The following ARSG variants were observed in gnomAD, a reference collection of about 807,000 sequenced individuals.
ARSG encodes ASG.
ARSG carries 37 observed loss-of-function variants against 50.5 expected under a neutral mutation model. The observed-to-expected ratio is 0.73, with a 90% CI of 0.56 to 0.96. ARSG has a LOEUF of 0.96. Ranked by LOEUF, ARSG falls within the 50% of genes least tolerant of loss-of-function variation. ARSG has a pLI of 0.00. For missense variants in ARSG, 629 were observed against 675.3 expected (o/e 0.93, Z 0.76); for synonymous variants, 225 against 254.6 (o/e 0.88, Z 1.11).
chr17:68,415,743 G>A (rs2082324169), intron 11 of ARSG, among the ~76,000 whole-genome samples: 1 of 152,168 alleles, frequency 6.6e-6, no homozygotes. Flanking sequence ...ATGTTTTCCT[G>A]TTGGACACGG....
At chr17:68,356,639 TAC>T (rs994761764) in intron 5 of ARSG, 26 bp from the exon 6 acceptor site, 1 of 1,613,276 alleles carries the variant, frequency 6.2e-7, no homozygotes, top group Non-Finnish European at 8.5e-7. Flanking sequence ...AGGAAATGAA[TAC>T]TCTATGGTCT....
At position 68,420,375 on chromosome 17, in the gene ARSG, A is replaced by G; in HGVS notation, c.1490A>G (p.Asn497Ser). ...GTCCTCCAAGACATTGCCAACGACAACATCTCCAGCGCAGATTACACTCAG... is the reference window on the plus strand; with the variant it reads ...GTCCTCCAAGACATTGCCAACGACAGCATCTCCAGCGCAGATTACACTCAG... The part of the protein sequence containing the change: ...ADVLQDIAND[N>S]ISSADYTQDP... The change falls in exon 12 of 12, where the codon AAC becomes AGC. Residue 497 changes from asparagine (N) to serine (S), a missense_variant. Asn to Ser is a conservative substitution (Grantham distance 46, BLOSUM62 1). Transcript: ENST00000621439. 2.5e-6 allele frequency: 4 copies of G among 1,614,200 alleles called. No homozygotes were observed. Among genetic ancestry groups the G allele is most frequent in the Non-Finnish European group, 3.4e-6 (4 of 1,180,034 alleles).
chr17:68,382,733 G>A (rs1033847490), intron 8 of ARSG, among the ~76,000 whole-genome samples: 5 of 152,200 alleles, frequency 3.3e-5, no homozygotes, highest in Non-Finnish European at 5.9e-5. Context: ...CAGTATCTGC[G>A]CTGTTGGTGA....
Position 68,343,717 on chromosome 17 carries a change from T to C in ARSG, c.332T>C (p.Val111Ala). Residue 111 changes from valine (V) to alanine (A), a missense_variant, in exon 3 of 12, where the codon GTG becomes GCG. Coordinates refer to ENST00000621439, the MANE Select transcript of ARSG (RefSeq NM_001267727.2). ...GVTRNFAVTS[V>A]GGLPLNETTL... ...ACACGCAACTTTGCAGTCACTTCTG[T>C]GGGAGGCCTTCCGCTCAACGAGACC... 2 of 1,614,162 alleles carry C rather than the reference T, an allele frequency of 1.2e-6. No homozygotes were observed. Among genetic ancestry groups the C allele is most frequent in the Non-Finnish European group, 8.5e-7 (1 of 1,180,014 alleles).
chr17:68,447,063 C>T, the ARSG span, among the ~76,000 whole-genome samples: 1 of 152,210 alleles, frequency 6.6e-6, no homozygotes, highest in African/African-American at 2.4e-5. Flanking sequence ...AGCTCCTTGT[C>T]TGTTGCTTTG....
At chr17:68,284,040 G>A (rs1247932981) in intron 1 of ARSG, among the ~76,000 whole-genome samples, 12 of 147,574 alleles carry the variant, frequency 8.1e-5, no homozygotes, top group African/African-American at 2.8e-4. Flanking sequence ...GCAGTGAGCC[G>A]AGGTCACACC....
intron 8 of ARSG, 46 bp from the exon 9 acceptor site, chr17:68,385,018 C>T (rs769160899): frequency 1.6e-5 from 24 of 1,515,476 alleles, no homozygotes; most frequent in East Asian, 2.3e-5. Flanking sequence ...AAAGAAGTCT[C>T]GAGTTATCAC....
intron 1 of ARSG, among the ~76,000 whole-genome samples, chr17:68,304,370 T>C (rs1203970409): frequency 2.0e-5 from 3 of 152,248 alleles, no homozygotes; most frequent in African/African-American, 7.2e-5. Flanking sequence ...ATAATACATC[T>C]CCTTTTGGGA....
intron 8 of ARSG, among the ~76,000 whole-genome samples, chr17:68,376,772 C>T (rs1246084492): frequency 2.6e-5 from 4 of 151,966 alleles, no homozygotes; most frequent in African/African-American, 9.7e-5. Flanking sequence ...TCCACTGATC[C>T]AAAATGACCA....
Position 68,271,671 on chromosome 17 carries a change from T to G in ARSG, c.-552+12245T>G. On this transcript the variant is annotated intron_variant, in intron 1 of 11. Transcript: ENST00000448504. This position sits in a 1 kb window ranked among gnomAD's most constrained non-coding sequence, Gnocchi z 5.3. ...CCATGATTGCTTGAATAGGCAGGAG[T>G]GAAGAAGAAATAATATAAGGTCAAT... 1.3e-6 allele frequency: 2 copies of G among 1,599,430 alleles called. No individual in the cohort carries two copies. Among genetic ancestry groups the G allele is most frequent in the Non-Finnish European group, 1.7e-6 (2 of 1,169,732 alleles).
chr17:68,403,858 C>A (rs992074420), intron 11 of ARSG, among the ~76,000 whole-genome samples: 1 of 152,126 alleles, frequency 6.6e-6, no homozygotes, highest in Non-Finnish European at 1.5e-5. Context: ...TCCCTCCCCC[C>A]TCACCCCACC....
chr17:68,288,005 T>C (rs1331204093), upstream of ARSG, among the ~76,000 whole-genome samples: 3 of 149,970 alleles, frequency 2.0e-5, no homozygotes, highest in Non-Finnish European at 4.5e-5. Context: ...TTTTTTTTTT[T>C]TGGGGGTTGG....
At chr17:68,283,242 C>T (rs139042407) in intron 1 of ARSG, 2,070 of 152,296 alleles carry the variant, frequency 0.014, 24 homozygotes, top group Non-Finnish European at 0.022. Context: ...CAGACTGGGC[C>T]GGGCGCAGTG....
downstream of ARSG, among the ~76,000 whole-genome samples, chr17:68,425,273 A>C (rs2147729611): frequency 6.6e-6 from 1 of 152,136 alleles, no homozygotes; most frequent in East Asian, 1.9e-4. Flanking sequence ...GCACAATCAG[A>C]GCTCACTGCA....
intron 2 of ARSG, among the ~76,000 whole-genome samples, chr17:68,324,070 C>CAAAAAA (rs57040262): frequency 7.1e-4 from 64 of 89,664 alleles, no homozygotes; most frequent in Non-Finnish European, 8.9e-4. Context: ...AAAACTCCAT[C>CAAAAAA]AAAAAAAAAA....
At chr17:68,290,975 T>C (rs1363976498), upstream of ARSG, 2 of 152,168 alleles carry the variant, frequency 1.3e-5, no homozygotes, top group African/African-American at 4.8e-5. Context: ...AGATGTTCAG[T>C]GGTCTCCTCC....
chr17:68,334,791 A>G (rs1344504115), intron 2 of ARSG, among the ~76,000 whole-genome samples: 1 of 152,046 alleles, frequency 6.6e-6, no homozygotes, highest in Non-Finnish European at 1.5e-5. Context: ...AGCTTCTTAT[A>G]TGGCGGCTCA....
At chr17:68,396,344 T>C (rs991733837) in intron 10 of ARSG, among the ~76,000 whole-genome samples, 1 of 152,170 alleles carries the variant, frequency 6.6e-6, no homozygotes, top group African/African-American at 2.4e-5. Context: ...CAAGCAGACC[T>C]TGGCAATGGC....
At chr17:68,272,889 A>T (rs1555749521) in intron 1 of ARSG, 9 of 1,192,400 alleles carry the variant, frequency 7.5e-6, no homozygotes, top group Non-Finnish European at 1.1e-5. Flanking sequence ...GGAGCCAAGT[A>T]ATTCATTCTG....
Sources: allele counts gnomAD v4.1 joint callset (sites outside exome capture counted in the v4.1 genomes callset), GRCh38; gene constraint gnomAD v4.1.1; non-coding constraint Gnocchi (gnomAD v3.1); transcripts MANE v1.5; gene names NCBI Gene and HGNC (gene_info 2026-07-23, HGNC 2026-07-21).